CLPB: variants seen among roughly 807,000 people sequenced by gnomAD.
The protein encoded by CLPB is mitochondrial disaggregase.
Under a neutral mutation model 78.4 loss-of-function variants are expected in CLPB, and 40 were observed. The ratio of observed to expected loss-of-function variants is 0.51; its 90% CI spans 0.40 to 0.66. The LOEUF is 0.66. Ranked by LOEUF, CLPB falls within the 30% of genes least tolerant of loss-of-function variation. The probability of loss-of-function intolerance (pLI) is 0.00; values close to 1 mark genes in which losing one functional copy is unlikely to be tolerated. For synonymous variants in CLPB, 333 were observed against 348.0 expected (o/e 0.96, Z 0.48); for missense variants, 780 against 886.9 (o/e 0.88, Z 1.53).
At chr11:72,364,127 T>C (rs1950894928) in intron 4 of CLPB, among the ~76,000 whole-genome samples, 1 of 152,176 alleles carries the variant, frequency 6.6e-6, no homozygotes, top group Non-Finnish European at 1.5e-5. Context: ...TTTTCATCTT[T>C]TCCACCACCA....
chr11:72,388,250 CT>C (rs60096746), intron 3 of CLPB, among the ~76,000 whole-genome samples: 2,489 of 138,046 alleles, frequency 0.018, 15 homozygotes, highest in Non-Finnish European at 0.024. Context: ...TTCCCTTCCC[CT>C]TTTTTTTTTT....
chr11:72,359,037 A>G (rs369537667), intron 4 of CLPB, 29 bp from the exon 5 acceptor site: 5 of 1,611,616 alleles, frequency 3.1e-6, no homozygotes, highest in African/African-American at 2.7e-5. Flanking sequence ...AAACCCTTCC[A>G]TTAGCAACGA....
rs545653454 is a variant in CLPB at position 72,338,405 on chromosome 11, G to C, written c.776-8601C>G. ...TCAAGGTCACAGAGACTATGAGTAG[G>C]AGAGTGGGAGCTAGAACCCACGCCT... On this transcript the variant is annotated intron_variant, in intron 5 of 15. Coordinates refer to ENST00000538039, the MANE Select transcript of CLPB (RefSeq NM_001258392.3). Among the ~76,000 whole-genome samples the C allele has an allele frequency of 2.6e-5, 4 of 152,306 alleles. No homozygotes were observed. The East Asian group carries it at 5.8e-4, about 22-fold the overall frequency.
intron 6 of CLPB, among the ~76,000 whole-genome samples, chr11:72,318,997 C>T (rs528223688): frequency 6.6e-6 from 1 of 152,308 alleles, no homozygotes; most frequent in East Asian, 1.9e-4. Context: ...GACTTGCAGT[C>T]GGGCAGGCCA....
At chr11:72,323,424 G>A (rs753720730) in intron 6 of CLPB, among the ~76,000 whole-genome samples, 3 of 152,000 alleles carry the variant, frequency 2.0e-5, no homozygotes, top group Non-Finnish European at 4.4e-5. Context: ...AAAATTAGCT[G>A]GGCGTGGTGG....
intron 3 of CLPB, among the ~76,000 whole-genome samples, chr11:72,384,932 A>G (rs1855031246): frequency 6.6e-6 from 1 of 152,244 alleles, no homozygotes; most frequent in Admixed American, 6.5e-5. Context: ...AAGATAGACT[A>G]TACTACAGAA....
intron 8 of CLPB, 51 bp from the exon 9 acceptor site, chr11:72,307,305 C>G (rs1352301446): frequency 1.4e-6 from 2 of 1,459,528 alleles, no homozygotes; most frequent in African/African-American, 1.4e-5. Flanking sequence ...TGACTAACCG[C>G]TGGAATGAAA....
chr11:72,359,022 A>G lies in CLPB; in HGVS notation c.647-14T>C. The stretch of plus-strand genomic sequence containing the variant: ...GGGTGATCAGGACTGGGGAGACAGC[A>G]ACACAAACCCTTCCATTAGCAACGA... On this transcript the variant is annotated splice_polypyrimidine_tract_variant and intron_variant, in intron 4 of 15. Transcript: ENST00000538039. 6.2e-7 allele frequency: 1 copy of G among 1,613,236 alleles called. No homozygotes were observed. The highest frequency in any genetic ancestry group is 1.1e-5 in the South Asian group (1 of 91,024).
chr11:72,418,385 C>T (rs982485199), intron 2 of CLPB, among the ~76,000 whole-genome samples: 1 of 152,178 alleles, frequency 6.6e-6, no homozygotes, highest in Admixed American at 6.6e-5. Context: ...AAACATGACA[C>T]AGCAATGGTG....
At chr11:72,414,533 A>G (rs756246886) in intron 2 of CLPB, among the ~76,000 whole-genome samples, 1 of 152,214 alleles carries the variant, frequency 6.6e-6, no homozygotes, top group Non-Finnish European at 1.5e-5. Context: ...AAAGCCAACC[A>G]TAAAACCTGG....
intron 2 of CLPB, among the ~76,000 whole-genome samples, chr11:72,417,226 A>T (rs568013307): frequency 2.0e-5 from 3 of 152,388 alleles, no homozygotes; most frequent in Admixed American, 1.3e-4. Flanking sequence ...AAAATGTAGT[A>T]CATCCATACA....
At chr11:72,355,460 A>G (rs957462658) in intron 5 of CLPB, 10 of 152,232 alleles carry the variant, frequency 6.6e-5, no homozygotes, top group Non-Finnish European at 1.5e-4. Context: ...TGTCACAATG[A>G]TAAGTACTTA....
At chr11:72,380,187 C>T (rs1854862360) in intron 4 of CLPB, 94 bp downstream of exon 4, 2 of 933,454 alleles carry the variant, frequency 2.1e-6, no homozygotes, top group Non-Finnish European at 3.5e-6. Flanking sequence ...CAGGCTGTCA[C>T]TCTGAGTTGC....
chr11:72,424,904 C>CA (rs1251770402), intron 2 of CLPB, among the ~76,000 whole-genome samples: 21 of 149,206 alleles, frequency 1.4e-4, no homozygotes, highest in Middle Eastern at 3.4e-3. Context: ...CAAAACAAAA[C>CA]AAAAAAAAAC....
intron 9 of CLPB, chr11:72,304,043 CG>C (rs1399514662): frequency 1.4e-4 from 21 of 152,278 alleles, no homozygotes; most frequent in African/African-American, 4.6e-4. Context: ...CAATGAATGT[CG>C]GACGACAGAT....
chr11:72,370,039 C>T (rs1314047291), intron 4 of CLPB, among the ~76,000 whole-genome samples: 3 of 152,192 alleles, frequency 2.0e-5, no homozygotes, highest in African/African-American at 7.2e-5. Flanking sequence ...GCCTCAGCCC[C>T]TATCAATCAC....
chr11:72,372,306 CTA>C (rs898137692), intron 4 of CLPB, among the ~76,000 whole-genome samples: 1 of 152,188 alleles, frequency 6.6e-6, no homozygotes, highest in African/African-American at 2.4e-5. Flanking sequence ...AGAATTTCTT[CTA>C]TGTTCTGGGG....
chr11:72,398,327 T>C (rs1344128029), intron 3 of CLPB, among the ~76,000 whole-genome samples: 2 of 152,226 alleles, frequency 1.3e-5, no homozygotes, highest in Non-Finnish European at 2.9e-5. Flanking sequence ...CAGCCTGTCA[T>C]AGAACACATC....
At position 72,358,770 on chromosome 11, in the gene CLPB, G is replaced by A. The variant is rs114242268; in HGVS notation, c.775+110C>T. On this transcript the variant is annotated intron_variant, in intron 5 of 15. Coordinates refer to ENST00000538039, the MANE Select transcript of CLPB (RefSeq NM_001258392.3). ...ATGTTATTTCCAGAATAGTGAGGCT[G>A]CCAAGTACTCTCTCCCCCTGCCAAG... is the stretch of plus-strand genomic sequence containing the variant. 1,773 of 870,830 alleles carry A rather than the reference G, an allele frequency of 2.0e-3. 25 individuals are homozygous for A. The African/African-American group carries it at 0.028, about 14-fold the overall frequency. The allele number at this position is 870,830 out of a possible 1,614,324, so 53.9% of individuals were successfully genotyped here. A position where few individuals can be genotyped will look rare whatever the true frequency, so the allele number is the denominator to read the frequency against.
Sources: gnomAD v4.1 joint callset for allele counts (sites outside exome capture counted in the v4.1 genomes callset) on GRCh38, gnomAD v4.1.1 for gene constraint, MANE v1.5 for transcripts, NCBI Gene and HGNC (gene_info 2026-07-23, HGNC 2026-07-21) for gene names.